UBA5: variants seen among roughly 807,000 people sequenced by gnomAD.
UBA5 encodes the protein ubiquitin-like modifier-activating enzyme 5.
A neutral mutation model predicts 52.9 loss-of-function variants in UBA5; 28 were observed. That is an observed-to-expected ratio of 0.53 (90% CI 0.39 to 0.73). The LOEUF (loss-of-function observed/expected upper bound fraction) is 0.73. UBA5 is among the 30% of genes least tolerant of loss of function. The probability of loss-of-function intolerance (pLI) is 0.00; values close to 1 mark genes in which losing one functional copy is unlikely to be tolerated. For missense variants in UBA5, 388 were observed against 492.7 expected (o/e 0.79, Z 2.01); for synonymous variants, 135 against 162.1 (o/e 0.83, Z 1.27).
At chr3:132,675,167 C>T (rs886753753) in intron 8 of UBA5, 81 bp from the exon 9 acceptor site, 23 of 1,010,884 alleles carry the variant, frequency 2.3e-5, no homozygotes, top group Middle Eastern at 3.2e-4. Context: ...CCTATTTCAA[C>T]GTTATTTTTA....
At chr3:132,671,627 A>C in intron 6 of UBA5, 150 bp from the exon 7 acceptor site, 1 of 588,266 alleles carries the variant, frequency 1.7e-6, no homozygotes, top group Non-Finnish European at 2.9e-6. Flanking sequence ...GGTAATTACC[A>C]AGGAATTCCA....
At chr3:132,668,627 T>G (rs1938475045) in intron 3 of UBA5, 191 bp from the exon 4 acceptor site, 1 of 378,600 alleles carries the variant, frequency 2.6e-6, no homozygotes, top group Non-Finnish European at 4.7e-6. Flanking sequence ...ATTTTAAAAA[T>G]AAGGATAATA....
chr3:132,660,409 G>A lies in UBA5; in HGVS notation c.-129G>A, dbSNP rs981432985. The A allele has an allele frequency of 1.6e-6, 2 of 1,241,122 alleles. No homozygotes were observed. Among genetic ancestry groups the A allele is most frequent in the South Asian group, 1.4e-5 (1 of 70,070 alleles). 76.9% of individuals were successfully genotyped at this position (1,241,122 alleles called of 1,614,324 possible). A position where few individuals can be genotyped will look rare whatever the true frequency, so the allele number is the denominator to read the frequency against. ...GTGAGGCGCTGGGTGCACGTCCCCA[G>A]GGCTCTGGGCTAGGAAGGCAGCGGC... On this transcript the variant is annotated 5_prime_UTR_variant, in exon 1 of 12. Coordinates refer to ENST00000356232, the MANE Select transcript of UBA5 (RefSeq NM_024818.6). The surrounding 1 kb of genome is among the most constrained non-coding windows in gnomAD (Gnocchi z 4.1).
At chr3:132,656,305 T>C (rs993849679), upstream of UBA5, among the ~76,000 whole-genome samples, 1 of 152,188 alleles carries the variant, frequency 6.6e-6, no homozygotes, top group Non-Finnish European at 1.5e-5. Context: ...ATTGTCCCCT[T>C]ATACTGTAGT....
rs1263635287 is a variant in UBA5 at position 132,677,211 on chromosome 3, T to G, written c.*685T>G. On this transcript the variant is annotated 3_prime_UTR_variant, in exon 12 of 12. Coordinates refer to ENST00000356232, the MANE Select transcript of UBA5 (RefSeq NM_024818.6). ...TAGACAAAGTTGATTTCAGGAAGTA[T>G]AAATTATATTCTGCACCGAACAAGG... The G allele has an allele frequency of 4.9e-6, 1 of 202,626 alleles. No homozygotes were observed. The highest frequency in any genetic ancestry group is 1.0e-5 in the Non-Finnish European group (1 of 97,002). 12.6% of individuals were successfully genotyped at this position (202,626 alleles called of 1,614,324 possible). A position where few individuals can be genotyped will look rare whatever the true frequency, so the allele number is the denominator to read the frequency against.
intron 8 of UBA5, 149 bp downstream of exon 8, chr3:132,672,326 T>G (rs1194336589): frequency 2.3e-6 from 2 of 859,954 alleles, no homozygotes; most frequent in African/African-American, 3.5e-5. Flanking sequence ...GTTTTATATA[T>G]GTATATGTGC....
chr3:132,664,716 G>A (rs1164570369), intron 1 of UBA5, among the ~76,000 whole-genome samples: 2 of 152,064 alleles, frequency 1.3e-5, no homozygotes, highest in Admixed American at 6.6e-5. Flanking sequence ...GGAAACAGTG[G>A]ATTAATACAG....
At chr3:132,674,884 TA>T (rs1178997890) in intron 8 of UBA5, among the ~76,000 whole-genome samples, 1 of 152,214 alleles carries the variant, frequency 6.6e-6, no homozygotes, top group Non-Finnish European at 1.5e-5. Context: ...CTCAGGGATT[TA>T]AAAAATACAC....
chr3:132,675,146 A>T (rs996173725), intron 8 of UBA5, 102 bp from the exon 9 acceptor site: 128 of 847,266 alleles, frequency 1.5e-4, no homozygotes, highest in Non-Finnish European at 2.2e-4. Flanking sequence ...GTTAAAAAAA[A>T]TATATAATTA....
In UBA5 at chr3:132,670,229, C is replaced by T; in HGVS notation, c.439C>T (p.His147Tyr). 6.6e-7 allele frequency: 1 copy of T among 1,509,372 alleles called. No homozygotes were observed. Among genetic ancestry groups the T allele is most frequent in the Non-Finnish European group, 9.1e-7 (1 of 1,092,966 alleles). The allele number at this position is 1,509,372 out of a possible 1,614,324, so 93.5% of individuals were successfully genotyped here. The change falls in exon 5 of 12, where the codon CAC (histidine) becomes TAC (tyrosine). Residue 147 changes from histidine (H) to tyrosine (Y), a missense_variant. Around this residue, in one of 3 missense-constraint regions of UBA5, gnomAD observed 277 missense variants for 326.4 expected, o/e 0.85. Coordinates refer to ENST00000356232, the MANE Select transcript of UBA5 (RefSeq NM_024818.6). ...NINPDVLFEV[H>Y]NYNITTVENF... ...TAATCCTGATGTTCTTTTTGAAGTA[C>T]ACAACTATAATATAACCACAGTGGA... is the stretch of plus-strand genomic sequence containing the variant.
chr3:132,666,605 G>C (rs147004492), intron 3 of UBA5, among the ~76,000 whole-genome samples: 259 of 152,178 alleles, frequency 1.7e-3, no homozygotes, highest in Non-Finnish European at 3.1e-3. Context: ...CAGAGTCTAT[G>C]ATGTTAGATA....
intron 8 of UBA5, among the ~76,000 whole-genome samples, chr3:132,673,016 A>T (rs148711696): frequency 1.2e-3 from 179 of 152,326 alleles, no homozygotes; most frequent in African/African-American, 3.7e-3. Context: ...ACAAGACACA[A>T]GGAGGTACCA....
upstream of UBA5, chr3:132,660,028 C>A: frequency 2.4e-6 from 1 of 411,248 alleles, no homozygotes; most frequent in East Asian, 4.2e-5. The surrounding 1 kb of genome is among the most constrained non-coding windows in gnomAD (Gnocchi z 4.1). Flanking sequence ...TTAAAGAAGG[C>A]AAAGCCATGG....
upstream of UBA5, among the ~76,000 whole-genome samples, chr3:132,658,324 G>A (rs1044860744): frequency 6.6e-6 from 1 of 151,996 alleles, no homozygotes; most frequent in African/African-American, 2.4e-5. Flanking sequence ...ATTAAACCAA[G>A]CTTATACAAC....
At chr3:132,661,717 G>A (rs2107925014) in intron 1 of UBA5, among the ~76,000 whole-genome samples, 1 of 152,308 alleles carries the variant, frequency 6.6e-6, no homozygotes, top group Non-Finnish European at 1.5e-5. Context: ...CGTCTCCCCA[G>A]TAAAAACAAT....
chr3:132,666,465 G>GA (rs1938382940), intron 3 of UBA5, among the ~76,000 whole-genome samples: 2 of 152,058 alleles, frequency 1.3e-5, no homozygotes, highest in African/African-American at 4.8e-5. Flanking sequence ...TTGAACTAGA[G>GA]AATGCTCTGG....
chr3:132,656,895 A>G (rs944636803), upstream of UBA5, among the ~76,000 whole-genome samples: 2 of 151,858 alleles, frequency 1.3e-5, no homozygotes, highest in African/African-American at 4.8e-5. Context: ...ACAGTATAAT[A>G]AAGTTGAGCA....
Position 132,660,811 on chromosome 3 carries a change from T to G in UBA5, c.161+113T>G, listed in dbSNP as rs1455469786. The G allele has an allele frequency of 2.0e-5, 29 of 1,449,694 alleles. No homozygotes were observed. The Admixed American group carries it at 7.8e-4, about 39-fold the overall frequency. 89.8% of individuals were successfully genotyped at this position (1,449,694 alleles called of 1,614,324 possible). A position where few individuals can be genotyped will look rare whatever the true frequency, so the allele number is the denominator to read the frequency against. ...CATGGGGACGCCCGCCACCCTTTTC[T>G]TGGTCTGCGAATCCTGTTCCCAAAT... On this transcript the variant is annotated intron_variant, in intron 1 of 11. Transcript: ENST00000356232. The surrounding 1 kb of genome is among the most constrained non-coding windows in gnomAD (Gnocchi z 4.1).
At position 132,668,815 on chromosome 3, in the gene UBA5, T is replaced by C. The variant is rs1433134571; in HGVS notation, c.298-3T>C. The C allele has an allele frequency of 3.8e-6, 6 of 1,580,302 alleles. No homozygotes were observed. Among genetic ancestry groups the C allele is most frequent in the Non-Finnish European group, 5.2e-6 (6 of 1,162,336 alleles). ...CATCAGAATACCACTATTTTCATTT[T>C]AGTTGCTACTCTTTGATTATGACAA... On this transcript the variant is annotated splice_polypyrimidine_tract_variant and splice_region_variant and intron_variant, in intron 3 of 11. Coordinates refer to ENST00000356232, the MANE Select transcript of UBA5 (RefSeq NM_024818.6).
Sources: gnomAD v4.1 joint callset for allele counts (sites outside exome capture counted in the v4.1 genomes callset) on GRCh38, gnomAD v4.1.1 for gene constraint, gnomAD v4.1.1 regional missense constraint, Gnocchi (gnomAD v3.1) non-coding constraint, MANE v1.5 for transcripts, NCBI Gene and HGNC (gene_info 2026-07-23, HGNC 2026-07-21) for gene names.